Variants in STOX2 observed in about 807,000 individuals in gnomAD.
STOX2 encodes the protein storkhead-box protein 2.
Under a neutral mutation model 60.9 loss-of-function variants are expected in STOX2, and 28 were observed. The ratio of observed to expected loss-of-function variants is 0.46; its 90% CI spans 0.34 to 0.63. The LOEUF is 0.63. Ranked by LOEUF, STOX2 falls within the 30% of genes least tolerant of loss-of-function variation. STOX2 has a pLI of 0.01. For missense variants in STOX2, 1,024 were observed against 1,187.7 expected (o/e 0.86, Z 2.03); for synonymous variants, 472 against 463.9 (o/e 1.02, Z -0.22).
At chr4:183,832,767 G>A (rs968238447) in intron 1 of STOX2, among the ~76,000 whole-genome samples, 1 of 152,152 alleles carries the variant, frequency 6.6e-6, no homozygotes, top group Non-Finnish European at 1.5e-5. Context: ...TGGGATTAGA[G>A]GCGTGAGCCA....
At position 183,856,853 on chromosome 4, in the gene STOX2, A is replaced by G. The variant is rs1740297486; in HGVS notation, c.364+58798A>G. Among the ~76,000 whole-genome samples, 1 of 152,146 alleles carries G rather than the reference A, an allele frequency of 6.6e-6. No homozygotes were observed. The highest frequency in any genetic ancestry group is 2.4e-5 in the African/African-American group (1 of 41,428). On this transcript the variant is annotated intron_variant, in intron 1 of 2. Transcript: ENST00000513034. The surrounding 1 kb of genome is among the most constrained non-coding windows in gnomAD (Gnocchi z 4.0). ...TTGACACTTACCCTATGGGACCAAA[A>G]CAGTCAGCTACCAAGTCTTATTGAG...
intron 1 of STOX2, among the ~76,000 whole-genome samples, chr4:183,848,863 A>G (rs1035267056): frequency 3.3e-5 from 5 of 152,234 alleles, no homozygotes; most frequent in Non-Finnish European, 7.3e-5. Flanking sequence ...CGGATGCTGG[A>G]ACAGGAGCCC....
At chr4:183,867,290 T>A (rs1740590916) in intron 1 of STOX2, among the ~76,000 whole-genome samples, 1 of 152,210 alleles carries the variant, frequency 6.6e-6, no homozygotes. Flanking sequence ...ACTCCCAGAT[T>A]ACCTTTAAAA....
rs536358902 is a variant in STOX2 at position 183,840,621 on chromosome 4, C to T, written c.364+42566C>T. Among the ~76,000 whole-genome samples the T allele has an allele frequency of 2.0e-4, 31 of 152,290 alleles. 1 individual carries two copies. Among genetic ancestry groups the T allele is most frequent in the South Asian group, 6.2e-4 (3 of 4,826 alleles). On this transcript the variant is annotated intron_variant, in intron 1 of 2. Transcript: ENST00000513034. ...GCATAAAATTGCCATGCTTTCCCCT[C>T]GGTCTCCTAGAAATCCTTGTAGGAT... is the stretch of plus-strand genomic sequence containing the variant.
intron 1 of STOX2, among the ~76,000 whole-genome samples, chr4:183,985,968 T>C (rs1404418279): frequency 6.6e-6 from 1 of 152,116 alleles, no homozygotes; most frequent in African/African-American, 2.4e-5. Flanking sequence ...CAGCCAGACT[T>C]AAAGAGGTTT....
At chr4:183,966,662 G>C (rs1243729968) in intron 1 of STOX2, among the ~76,000 whole-genome samples, 1 of 152,190 alleles carries the variant, frequency 6.6e-6, no homozygotes, top group Non-Finnish European at 1.5e-5. Flanking sequence ...TCAACAAGGA[G>C]GCGTGCAATT....
At chr4:183,833,457 C>T (rs1246128425) in intron 1 of STOX2, among the ~76,000 whole-genome samples, 2 of 152,148 alleles carry the variant, frequency 1.3e-5, no homozygotes, top group African/African-American at 4.8e-5. Flanking sequence ...TTAATCTCTT[C>T]TCTATATCCC....
chr4:183,931,958 G>A (rs921535619), intron 1 of STOX2, among the ~76,000 whole-genome samples: 1 of 152,128 alleles, frequency 6.6e-6, no homozygotes, highest in African/African-American at 2.4e-5. Context: ...AAGAAGGGAG[G>A]CATGGAGACC....
rs964574346 is a variant in STOX2, at chr4:184,020,305, C to T, written c.*3021C>T. 2 of 152,162 alleles carry T rather than the reference C, an allele frequency of 1.3e-5. No individual in the cohort carries two copies. The highest frequency in any genetic ancestry group is 4.8e-5 in the African/African-American group (2 of 41,436). 9.4% of individuals were successfully genotyped at this position (152,162 alleles called of 1,614,324 possible). On this transcript the variant is annotated 3_prime_UTR_variant, in exon 4 of 4. Transcript: ENST00000308497. The stretch of plus-strand genomic sequence containing the variant: ...ATGTAATCCTGTCTTCTCCTCTCTT[C>T]CCCACGAAAGCGCACTCGATTTTGT...
chr4:183,902,124 A>G (rs532849466), upstream of STOX2, among the ~76,000 whole-genome samples: 5 of 152,370 alleles, frequency 3.3e-5, no homozygotes, highest in Non-Finnish European at 7.3e-5. Flanking sequence ...CATTGGGGAT[A>G]TAGCTCTGAA....
chr4:183,856,842 A>G lies in STOX2; in HGVS notation c.364+58787A>G, dbSNP rs115145662. 2.3e-3 allele frequency among the ~76,000 whole-genome samples: 354 copies of G among 152,312 alleles called. No homozygotes were observed. Among genetic ancestry groups the G allele is most frequent in the African/African-American group, 8.2e-3 (339 of 41,570 alleles). ...CTTTATTTTTTTTGACACTTACCCTATGGGACCAAAACAGTCAGCTACCAA... is the reference window on the plus strand; with the variant it reads ...CTTTATTTTTTTTGACACTTACCCTGTGGGACCAAAACAGTCAGCTACCAA... On this transcript the variant is annotated intron_variant, in intron 1 of 2. Coordinates refer to the STOX2 transcript ENST00000513034. The surrounding 1 kb of genome is among the most constrained non-coding windows in gnomAD (Gnocchi z 4.0).
chr4:183,949,894 C>T (rs186495269), intron 1 of STOX2, among the ~76,000 whole-genome samples: 73 of 152,286 alleles, frequency 4.8e-4, no homozygotes, highest in African/African-American at 1.7e-3. Flanking sequence ...TCCATTCTCT[C>T]GGCATTTGTA....
intron 1 of STOX2, among the ~76,000 whole-genome samples, chr4:183,996,946 G>T (rs900657697): frequency 3.9e-5 from 6 of 152,228 alleles, no homozygotes; most frequent in Middle Eastern, 3.4e-3. Context: ...CCTTTAAGAT[G>T]ACTAAGAAAT....
intron 1 of STOX2, among the ~76,000 whole-genome samples, chr4:183,962,493 T>C (rs1290107676): frequency 6.6e-6 from 1 of 152,198 alleles, no homozygotes; most frequent in Non-Finnish European, 1.5e-5. Context: ...TAAAGTGATG[T>C]TCTGTTTAAT....
chr4:183,852,486 AGG>A (rs1189495080), intron 1 of STOX2, among the ~76,000 whole-genome samples: 26 of 102,562 alleles, frequency 2.5e-4, no homozygotes, highest in South Asian at 4.4e-4. Context: ...AGAAAGGATG[AGG>A]GAAAGGATGA....
intron 1 of STOX2, among the ~76,000 whole-genome samples, chr4:183,931,690 C>A: frequency 6.6e-6 from 1 of 152,038 alleles, no homozygotes; most frequent in East Asian, 1.9e-4. Context: ...TCAGGAAGTG[C>A]CTTGTAGGTT....
At chr4:183,871,435 T>G (rs191216836) in intron 1 of STOX2, among the ~76,000 whole-genome samples, 1 of 152,344 alleles carries the variant, frequency 6.6e-6, no homozygotes, top group African/African-American at 2.4e-5. Flanking sequence ...AAAATTACAC[T>G]AATTGCTTTT....
intron 1 of STOX2, among the ~76,000 whole-genome samples, chr4:183,986,215 GT>G (rs1446563665): frequency 6.6e-6 from 1 of 152,216 alleles, no homozygotes; most frequent in Non-Finnish European, 1.5e-5. Flanking sequence ...ATCCAAACAT[GT>G]ATGTTTTCAT....
At chr4:183,874,990 T>A (rs59360388) in intron 1 of STOX2, among the ~76,000 whole-genome samples, 1,949 of 80,950 alleles carry the variant, frequency 0.024, 68 homozygotes, top group African/African-American at 0.04. Flanking sequence ...TATATATATA[T>A]ATAAAACTTA....
Sources: allele counts gnomAD v4.1 joint callset (sites outside exome capture counted in the v4.1 genomes callset), GRCh38; gene constraint gnomAD v4.1.1; non-coding constraint Gnocchi (gnomAD v3.1); transcripts MANE v1.5; gene names NCBI Gene and HGNC (gene_info 2026-07-23, HGNC 2026-07-21).